Variants in TYW3 observed in about 807,000 individuals in gnomAD.
TYW3 encodes the protein tRNA-yW synthesizing protein 3 homolog, also known as tRNA wybutosine-synthesizing protein 3 homolog.
In TYW3, 26 loss-of-function variants were observed where a neutral mutation model predicts 23.1. That is an observed-to-expected ratio of 1.13 (90% CI 0.83 to 1.56). TYW3 has a LOEUF of 1.56. Ranked by LOEUF, TYW3 falls within the 40% of genes most tolerant of loss-of-function variation. The probability of loss-of-function intolerance (pLI) is 0.00; values close to 1 mark genes in which losing one functional copy is unlikely to be tolerated. For missense variants in TYW3, 316 were observed against 311.9 expected, an observed-to-expected ratio of 1.01 and a Z score of -0.10; for synonymous variants, 102 against 105.7, an observed-to-expected ratio of 0.97 and a Z score of 0.21.
intron 4 of TYW3, 104 bp from the exon 5 acceptor site, chr1:74,752,188 G>C: frequency 1.7e-6 from 2 of 1,188,146 alleles, no homozygotes; most frequent in South Asian, 3.9e-5. Flanking sequence ...TGTTGTAATG[G>C]AACTAAAGTA....
chr1:74,755,436 C>T (rs1648920515), intron 5 of TYW3, among the ~76,000 whole-genome samples: 1 of 152,206 alleles, frequency 6.6e-6, no homozygotes, highest in Admixed American at 6.5e-5. Context: ...ATACAATATG[C>T]ATCCTCCAGT....
At chr1:74,761,896 C>T (rs1268873217) in intron 5 of TYW3, 8 of 151,958 alleles carry the variant, frequency 5.3e-5, no homozygotes, top group Admixed American at 2.0e-4. Context: ...AAGCAGTCTC[C>T]GCTTGGGAGG....
At chr1:74,742,878 G>A (rs1648413242) in intron 3 of TYW3, among the ~76,000 whole-genome samples, 1 of 152,194 alleles carries the variant, frequency 6.6e-6, no homozygotes, top group Admixed American at 6.5e-5. Context: ...GGATGGTAAC[G>A]GACCTTGAGG....
chr1:74,748,863 TG>T (rs1438698461), intron 4 of TYW3, 41 bp downstream of exon 4: 1 of 1,566,664 alleles, frequency 6.4e-7, no homozygotes, highest in East Asian at 2.2e-5. Flanking sequence ...TAGTGTAAAG[TG>T]ATCCAGAAAT....
intron 3 of TYW3, among the ~76,000 whole-genome samples, chr1:74,742,161 C>T (rs1325343688): frequency 6.6e-6 from 1 of 152,172 alleles, no homozygotes; most frequent in African/African-American, 2.4e-5. Context: ...GTCTAATTGC[C>T]AGTCCTCTCT....
In TYW3 at chr1:74,764,115, C is replaced by A. The variant is rs747809294; in HGVS notation, c.*2C>A. On this transcript the variant is annotated 3_prime_UTR_variant, in exon 6 of 6. Transcript: ENST00000370867. ...ACCATCTTCCCTGAAGATTACTAAG[C>A]TTTGGTTCTGATGTGTCTTGGCCGT... 1.9e-6 allele frequency: 3 copies of A among 1,605,856 alleles called. No individual in the cohort carries two copies. The Admixed American group carries it at 5.1e-5, about 27-fold the overall frequency.
At chr1:74,736,728 T>A in intron 2 of TYW3, 106 bp downstream of exon 2, 1 of 846,552 alleles carries the variant, frequency 1.2e-6, no homozygotes, top group Non-Finnish European at 1.8e-6. Context: ...AGAGTTATAA[T>A]GGCTGAAGAT....
At chr1:74,755,126 A>G (rs952265795) in intron 5 of TYW3, among the ~76,000 whole-genome samples, 1 of 152,242 alleles carries the variant, frequency 6.6e-6, no homozygotes, top group Non-Finnish European at 1.5e-5. Context: ...TATTGTTGAT[A>G]AAGCAAATCT....
chr1:74,738,876 G>A (rs945233716), intron 3 of TYW3, 88 bp downstream of exon 3: 13 of 839,910 alleles, frequency 1.5e-5, no homozygotes, highest in East Asian at 5.4e-5. Flanking sequence ...ATATCAATGA[G>A]ATATTACCTT....
At chr1:74,762,199 A>G (rs1031313331) in intron 5 of TYW3, among the ~76,000 whole-genome samples, 1 of 152,118 alleles carries the variant, frequency 6.6e-6, no homozygotes, top group Non-Finnish European at 1.5e-5. Context: ...ATCATGTTGT[A>G]TATGTATTAG....
intron 3 of TYW3, among the ~76,000 whole-genome samples, chr1:74,742,109 C>T (rs548986374): frequency 1.1e-4 from 16 of 152,258 alleles, no homozygotes; most frequent in Admixed American, 2.0e-4. Flanking sequence ...CAACACAGAC[C>T]GACAAGTATT....
intron 3 of TYW3, among the ~76,000 whole-genome samples, chr1:74,747,884 TATACAC>T (rs1366481086): frequency 1.3e-4 from 8 of 60,384 alleles, no homozygotes; most frequent in Non-Finnish European, 5.2e-4. Context: ...TACACACACA[TATACAC>T]ATATACACAC....
intron 4 of TYW3, chr1:74,750,264 T>TA (rs1223033362): frequency 6.6e-6 from 1 of 152,094 alleles, no homozygotes; most frequent in Non-Finnish European, 1.5e-5. Flanking sequence ...AATCCCCCTT[T>TA]AAAAAACTCA....
chr1:74,743,954 G>A (rs1648453400), intron 3 of TYW3, among the ~76,000 whole-genome samples: 1 of 152,250 alleles, frequency 6.6e-6, no homozygotes, highest in Admixed American at 6.5e-5. Context: ...GATGTACCTT[G>A]ATCTGCTTTA....
intron 3 of TYW3, among the ~76,000 whole-genome samples, chr1:74,742,427 G>A (rs1260046268): frequency 2.0e-5 from 3 of 152,096 alleles, no homozygotes; most frequent in African/African-American, 7.2e-5. Flanking sequence ...TAACCACGCC[G>A]AGGGGAGAAA....
chr1:74,752,326 T>G lies in TYW3; in HGVS notation c.461T>G (p.Leu154Ter). Residue 154 changes from leucine to a stop codon, truncating the protein, a stop_gained, in exon 5 of 6, where the codon TTA (leucine) becomes TGA (stop). Coordinates refer to ENST00000370867, the MANE Select transcript of TYW3 (RefSeq NM_138467.3). LOFTEE classifies it high-confidence loss of function. ...AGTACACATGGCTTAGAAGTTCCAT[T>G]AAGCCATAAGGGAAAACTGATGGTG... is the stretch of plus-strand genomic sequence containing the variant. ...VRSTHGLEVP[L>*]SHKGKLMVTE... The G allele has an allele frequency of 6.2e-7, 1 of 1,613,024 alleles. No homozygotes were observed.
rs758441583 is a variant in TYW3 at position 74,738,717 on chromosome 1, G to A, written c.283G>A (p.Asp95Asn). The A allele has an allele frequency of 8.7e-6, 14 of 1,609,124 alleles. No homozygotes were observed. Among genetic ancestry groups the A allele is most frequent in the Non-Finnish European group, 1.2e-5 (14 of 1,176,324 alleles). ...TGTAGCTCTGAAGAAAGCAAATGGT[G>A]ATGCCACTTTGAAATTTGAACCATT... The part of the protein sequence containing the change: ...VIVALKKANG[D>N]ATLKFEPFVL... Residue 95 changes from aspartate to asparagine, a missense_variant, in exon 3 of 6, where the codon GAT becomes AAT. Transcript: ENST00000370867.
At position 74,766,503 on chromosome 1, in the gene TYW3, AT is replaced by A. The variant is rs770827132; in HGVS notation, c.*2391del. On this transcript the variant is annotated 3_prime_UTR_variant, in exon 6 of 6. Coordinates refer to ENST00000370867, the MANE Select transcript of TYW3 (RefSeq NM_138467.3). ...AAAGGTTTTTCCAATGTTAAAAAAA[AT>A]ATATAAAAAAGCTTATAGAATAAGG... The A allele has an allele frequency of 1.3e-4, 20 of 152,158 alleles. No individual in the cohort carries two copies. The highest frequency in any genetic ancestry group is 3.9e-4 in the East Asian group (2 of 5,188). 9.4% of individuals were successfully genotyped at this position (152,158 alleles called of 1,614,324 possible).
intron 3 of TYW3, among the ~76,000 whole-genome samples, chr1:74,747,646 AAAAAG>A (rs1648612929): frequency 6.6e-6 from 1 of 151,394 alleles, no homozygotes. Context: ...CAAAAAAAAA[AAAAAG>A]AAAAAGAAAA....
Sources: allele counts gnomAD v4.1 joint callset (sites outside exome capture counted in the v4.1 genomes callset), GRCh38; gene constraint gnomAD v4.1.1; transcripts MANE v1.5; gene names NCBI Gene and HGNC (gene_info 2026-07-23, HGNC 2026-07-21).